Variants in PTGR1 observed in about 807,000 individuals in gnomAD.
PTGR1 encodes 15-oxoprostaglandin 13-reductase.
Under a neutral mutation model 37.7 loss-of-function variants are expected in PTGR1, and 23 were observed. The ratio of observed to expected loss-of-function variants is 0.61; its 90% CI spans 0.44 to 0.86. The LOEUF is 0.86. PTGR1 is among the 40% of genes least tolerant of loss of function. PTGR1 has a pLI of 0.00. For synonymous variants in PTGR1, 134 were observed against 140.0 expected, an observed-to-expected ratio of 0.96 and a Z score of 0.30; for missense variants, 351 against 394.3, an observed-to-expected ratio of 0.89 and a Z score of 0.93.
chr9:111,586,803 C>CTCTA (rs1272719502), intron 4 of PTGR1, among the ~76,000 whole-genome samples: 3,801 of 143,622 alleles, frequency 0.026, 76 homozygotes, highest in South Asian at 0.04. Context: ...CTCTCTCTCT[C>CTCTA]TATATATATA....
intron 6 of PTGR1, 140 bp from the exon 7 acceptor site, chr9:111,579,091 T>A (rs918744910): frequency 7.7e-6 from 6 of 780,744 alleles, no homozygotes; most frequent in Non-Finnish European, 1.2e-5. Context: ...AATACCATAA[T>A]GGGCCAACAG....
In PTGR1 at chr9:111,578,947, C is replaced by T; in HGVS notation, c.500G>A (p.Cys167Tyr). The T allele has an allele frequency of 6.3e-7, 1 of 1,578,090 alleles. No individual in the cohort carries two copies. ...VVGQIAKLKG[C>Y]KVVGAVGSDE... ...AGACCCTACTGCTCCAACAACTTTGCAGCCCTAAGTAGAAAAAAAAAAAAA... is the reference window on the plus strand; with the variant it reads ...AGACCCTACTGCTCCAACAACTTTGTAGCCCTAAGTAGAAAAAAAAAAAAA... Residue 167 changes from cysteine (C) to tyrosine (Y), a missense_variant, in exon 7 of 10, where the codon TGC becomes TAC. By Grantham distance (194) the Cys-to-Tyr change is radical. Transcript: ENST00000407693.
At chr9:111,589,244 G>T in intron 4 of PTGR1, 1 of 280,824 alleles carries the variant, frequency 3.6e-6, no homozygotes, top group Non-Finnish European at 5.4e-6. Context: ...AAGACAAAAT[G>T]AATAAATGGA....
At chr9:111,579,026 G>T (rs1302457771) in intron 6 of PTGR1, 75 bp from the exon 7 acceptor site, 12 of 1,391,478 alleles carry the variant, frequency 8.6e-6, no homozygotes, top group Non-Finnish European at 1.2e-5. Flanking sequence ...TCCTGGTCTC[G>T]TATGCCTAGG....
At chr9:111,580,484 G>A (rs974223834) in intron 6 of PTGR1, among the ~76,000 whole-genome samples, 2 of 152,042 alleles carry the variant, frequency 1.3e-5, no homozygotes, top group African/African-American at 4.8e-5. Flanking sequence ...GGCCAGGCGC[G>A]GTGGCTCACG....
chr9:111,560,636 CAAAAAAAAA>C (rs1015199330), downstream of PTGR1, among the ~76,000 whole-genome samples: 4 of 26,296 alleles, frequency 1.5e-4, no homozygotes, highest in African/African-American at 5.1e-4. Context: ...GACACCATCT[CAAAAAAAAA>C]AAAAAAAAAA....
In PTGR1 at chr9:111,570,101, C is replaced by A; in HGVS notation, c.869G>T (p.Trp290Leu). The change falls in exon 9 of 10, where the codon TGG becomes TTG. Residue 290 changes from tryptophan to leucine, a missense_variant. Transcript: ENST00000407693. ...TCCGGAGCTCCTTACCTCTAAGACC[C>A]ATTTCAGCAAGTCCTTCAGAGCTTT... ...RQKALKDLLK[W>L]VLEGKIQYKE... 6.2e-7 allele frequency: 1 copy of A among 1,614,106 alleles called. No individual in the cohort carries two copies. The highest frequency in any genetic ancestry group is 8.5e-7 in the Non-Finnish European group (1 of 1,180,016).
rs575259592 is a variant in PTGR1, at chr9:111,564,830, A to T, written c.880-1599T>A. Among the ~76,000 whole-genome samples, 23 of 152,140 alleles carry T rather than the reference A, an allele frequency of 1.5e-4. No individual in the cohort carries two copies. The South Asian group carries it at 4.8e-3, about 32-fold the overall frequency. On this transcript the variant is annotated intron_variant, in intron 9 of 9. Transcript: ENST00000407693. ...TTTGGAGATAGGGCTTTTTAAAAAA[A>T]GGTAATTAAGAGGCCGGGCGCAGTG...
chr9:111,574,738 G>C lies in PTGR1; in HGVS notation c.756C>G (p.Pro252=). 1 of 1,611,024 alleles carries C rather than the reference G, an allele frequency of 6.2e-7. No homozygotes were observed. Residue 252 remains proline (P), a synonymous_variant, in exon 8 of 10, where the codon CCC becomes CCG. Transcript: ENST00000407693. ...ISTYNRTGPL[P]PGPPPEIVIY... ...TCGTGTGCATGTGCTCATTACCTGG[G>C]GGAAGTGGGCCGGTTCTGTTATATG...
chr9:111,599,477 G>C (rs536684717), intron 1 of PTGR1, 126 bp downstream of exon 1: 7 of 152,418 alleles, frequency 4.6e-5, no homozygotes, highest in African/African-American at 1.7e-4. Flanking sequence ...CGGTCATTTC[G>C]ACGTAAGGGG....
At chr9:111,560,629 A>G (rs890683051), downstream of PTGR1, among the ~76,000 whole-genome samples, 6 of 94,862 alleles carry the variant, frequency 6.3e-5, no homozygotes, top group East Asian at 1.3e-3. Context: ...AGACAGAGAC[A>G]CCATCTCAAA....
chr9:111,562,362 G>A (rs891508799), downstream of PTGR1, among the ~76,000 whole-genome samples: 10 of 148,684 alleles, frequency 6.7e-5, no homozygotes, highest in African/African-American at 2.2e-4. Context: ...TGAAACTTCC[G>A]CCTCCCAGGT....
intron 7 of PTGR1, 130 bp downstream of exon 7, chr9:111,578,666 A>C: frequency 1.3e-6 from 1 of 750,806 alleles, no homozygotes; most frequent in East Asian, 3.0e-5. Context: ...CCTGCCCCTC[A>C]CCTCCTGCTG....
chr9:111,553,924 C>T (rs1828043807), intron 9 of PTGR1, among the ~76,000 whole-genome samples: 2 of 152,140 alleles, frequency 1.3e-5, no homozygotes, highest in East Asian at 3.9e-4. Context: ...TTGTTGCTTT[C>T]CCATATTTTG....
downstream of PTGR1, among the ~76,000 whole-genome samples, chr9:111,558,963 G>C (rs1476344067): frequency 6.6e-6 from 1 of 152,042 alleles, no homozygotes; most frequent in African/African-American, 2.4e-5. Flanking sequence ...CCCCTCTCCT[G>C]CAGATGCTCC....
chr9:111,553,492 G>A (rs1237606474), intron 9 of PTGR1, among the ~76,000 whole-genome samples: 3 of 151,978 alleles, frequency 2.0e-5, no homozygotes, highest in Non-Finnish European at 1.5e-5. Flanking sequence ...TCTATCTTGT[G>A]CTATCTGCAT....
chr9:111,587,595 G>A (rs1829476937), intron 4 of PTGR1, among the ~76,000 whole-genome samples: 1 of 152,130 alleles, frequency 6.6e-6, no homozygotes, highest in African/African-American at 2.4e-5. Flanking sequence ...GGGAATACAG[G>A]CGCGTGCCAC....
intron 2 of PTGR1, among the ~76,000 whole-genome samples, chr9:111,595,579 G>A (rs1053503227): frequency 5.9e-5 from 9 of 152,036 alleles, no homozygotes; most frequent in South Asian, 4.1e-4. Context: ...ACTTGATTGC[G>A]TCCCCTTTTC....
intron 7 of PTGR1, 144 bp downstream of exon 7, chr9:111,578,652 C>T: frequency 3.1e-6 from 2 of 652,606 alleles, no homozygotes. Flanking sequence ...GCTTTGCTTG[C>T]TCACCTGCCC....
Sources: allele counts gnomAD v4.1 joint callset (sites outside exome capture counted in the v4.1 genomes callset), GRCh38; gene constraint gnomAD v4.1.1; transcripts MANE v1.5; gene names NCBI Gene and HGNC (gene_info 2026-07-23, HGNC 2026-07-21).